POLR1A: variants seen among roughly 807,000 people sequenced by gnomAD.
POLR1A encodes the protein DNA-directed RNA polymerase I subunit RPA1.
POLR1A carries 84 observed loss-of-function variants against 205.3 expected under a neutral mutation model. That is an observed-to-expected ratio of 0.41 (90% CI 0.34 to 0.49). The LOEUF is 0.49. POLR1A is among the 20% of genes least tolerant of loss of function. The probability of loss-of-function intolerance (pLI) is 0.22; values close to 1 mark genes in which losing one functional copy is unlikely to be tolerated. For missense variants in POLR1A, 1,645 were observed against 2,204.5 expected (o/e 0.75, Z 5.08); for synonymous variants, 799 against 863.7 (o/e 0.93, Z 1.31).
chr2:86,064,804 G>T (rs1438044401), intron 14 of POLR1A, among the ~76,000 whole-genome samples: 2 of 151,712 alleles, frequency 1.3e-5, no homozygotes, highest in Admixed American at 6.6e-5. Flanking sequence ...GCCCAGGCAG[G>T]AGTGCAGTGG....
rs1464548361 is a variant in POLR1A at position 86,033,726 on chromosome 2, T to A, written c.4096A>T (p.Asn1366Tyr). ...TGTGTAGCTCTTCGAGTGTTTACGT[T>A]CCTGAAAGCTGATGCTTTATTATTC... is the stretch of plus-strand genomic sequence containing the variant. ...KKNNKASAFR[N>Y]VNTRRATQRD... Residue 1366 changes from asparagine (N) to tyrosine (Y), a missense_variant, in exon 28 of 34, where the codon AAC becomes TAC. Transcript: ENST00000263857. 6.2e-7 allele frequency: 1 copy of A among 1,614,014 alleles called. No homozygotes were observed. Among genetic ancestry groups the A allele is most frequent in the Non-Finnish European group, 8.5e-7 (1 of 1,179,950 alleles).
chr2:86,035,468 C>T (rs901645438), intron 27 of POLR1A, among the ~76,000 whole-genome samples: 1 of 152,154 alleles, frequency 6.6e-6, no homozygotes, highest in Admixed American at 6.5e-5. Flanking sequence ...ACTCTGCACC[C>T]GAGGCTACTG....
At chr2:86,038,131 G>A (rs999999546) in intron 27 of POLR1A, among the ~76,000 whole-genome samples, 2 of 152,216 alleles carry the variant, frequency 1.3e-5, no homozygotes, top group African/African-American at 4.8e-5. Context: ...ATATCTAACA[G>A]TAACTTGAAC....
At chr2:86,079,293 C>T (rs1673352537) in intron 9 of POLR1A, among the ~76,000 whole-genome samples, 2 of 152,150 alleles carry the variant, frequency 1.3e-5, no homozygotes, top group South Asian at 4.1e-4. Flanking sequence ...ATGACCGGGC[C>T]CTGTTAGCCC....
chr2:86,097,444 A>C (rs1207802927), intron 3 of POLR1A, among the ~76,000 whole-genome samples: 1 of 152,166 alleles, frequency 6.6e-6, no homozygotes, highest in Non-Finnish European at 1.5e-5. Context: ...CTGCACCCCC[A>C]TGGTTATTGC....
intron 27 of POLR1A, among the ~76,000 whole-genome samples, chr2:86,038,253 G>A (rs747250903): frequency 5.9e-5 from 9 of 152,188 alleles, no homozygotes; most frequent in African/African-American, 1.7e-4. Context: ...CGTGCCACCC[G>A]CACATTGTTC....
In POLR1A at chr2:86,048,956, G is replaced by A; in HGVS notation, c.2562C>T (p.Asp854=). The change falls in exon 18 of 34, where the codon GAC becomes GAT. Residue 854 remains aspartate (D), a synonymous_variant. Coordinates refer to ENST00000263857, the MANE Select transcript of POLR1A (RefSeq NM_015425.6). ...GKWQDAHLGK[D]QRDFNMIDLK... is the part of the protein sequence containing the mutation. Reference sequence around the variant, plus strand: ...GATCAATCATGTTAAAATCCCTCTGGTCCTTGCCCAGATGGGCATCCTGCC... The same window carrying A: ...GATCAATCATGTTAAAATCCCTCTGATCCTTGCCCAGATGGGCATCCTGCC... The A allele has an allele frequency of 6.2e-7, 1 of 1,614,050 alleles. No individual in the cohort carries two copies. Among genetic ancestry groups the A allele is most frequent in the Non-Finnish European group, 8.5e-7 (1 of 1,179,904 alleles).
chr2:86,041,894 G>C lies in POLR1A; in HGVS notation c.3567C>G (p.Leu1189=). The change falls in exon 24 of 34, where the codon CTC becomes CTG. Residue 1189 remains leucine, a synonymous_variant. Coordinates refer to ENST00000263857, the MANE Select transcript of POLR1A (RefSeq NM_015425.6). The stretch of plus-strand genomic sequence containing the variant: ...CAACAAATCACTGTCAATACCTGTC[G>C]AGAGAAAGCTCTGATTTCTCATAAC... ...EKSYEKSELS[L]DRLRTLLQLK... 3 of 1,612,342 alleles carry C rather than the reference G, an allele frequency of 1.9e-6. No homozygotes were observed. The South Asian group carries it at 3.3e-5, about 18-fold the overall frequency.
rs185250998 is a variant in POLR1A, at chr2:86,081,560, C to A, written c.923+41G>T. On this transcript the variant is annotated intron_variant, in intron 8 of 33. Coordinates refer to ENST00000263857, the MANE Select transcript of POLR1A (RefSeq NM_015425.6). ...GAGGTCACATTTCAGTTCCTTAGTA[C>A]GCTTTTTTTCAGGTGAAATAAGTTA... is the stretch of plus-strand genomic sequence containing the variant. 2.5e-5 allele frequency: 32 copies of A among 1,290,366 alleles called. No individual in the cohort carries two copies. In the Admixed American group the frequency reaches 6.2e-4, roughly 25 times the overall value. The allele number at this position is 1,290,366 out of a possible 1,614,324, so 79.9% of individuals were successfully genotyped here.
Position 86,055,034 on chromosome 2 carries a change from C to T in POLR1A, c.2059-745G>A, listed in dbSNP as rs190058231. On this transcript the variant is annotated intron_variant, in intron 14 of 33. Coordinates refer to ENST00000263857, the MANE Select transcript of POLR1A (RefSeq NM_015425.6). ...TGTGCAACGAGGGCGCGGTGGCTCA[C>T]GCCTGTAATCCCATCACTTTGGGAG... 2.5e-3 allele frequency among the ~76,000 whole-genome samples: 374 copies of T among 152,314 alleles called. 1 individual carries two copies. The highest frequency in any genetic ancestry group is 8.7e-3 in the African/African-American group (362 of 41,576).
chr2:86,082,155 C>G (rs1006141727), intron 7 of POLR1A, among the ~76,000 whole-genome samples: 5 of 151,906 alleles, frequency 3.3e-5, no homozygotes, highest in African/African-American at 1.2e-4. Flanking sequence ...TTTATAAAAA[C>G]AAAAAATAGC....
At chr2:86,052,545 A>G (rs1184142094) in intron 16 of POLR1A, among the ~76,000 whole-genome samples, 2 of 152,228 alleles carry the variant, frequency 1.3e-5, no homozygotes, top group African/African-American at 4.8e-5. Context: ...GAGGACACAG[A>G]AAAGAATTTC....
At chr2:86,056,313 A>G (rs1273815187) in intron 14 of POLR1A, among the ~76,000 whole-genome samples, 1 of 136,346 alleles carries the variant, frequency 7.3e-6, no homozygotes, top group Non-Finnish European at 1.6e-5. Flanking sequence ...TTAGCTGGGC[A>G]TGGTGGCGGG....
intron 21 of POLR1A, 120 bp downstream of exon 21, chr2:86,045,158 A>C: frequency 1.5e-6 from 1 of 673,720 alleles, no homozygotes; most frequent in Non-Finnish European, 2.6e-6. Flanking sequence ...CCATTCATGG[A>C]AACTTTCCAA....
intron 29 of POLR1A, 28 bp from the exon 30 acceptor site, chr2:86,031,663 T>C: frequency 6.3e-7 from 1 of 1,585,450 alleles, no homozygotes; most frequent in Non-Finnish European, 8.6e-7. Flanking sequence ...ACAGGCTGTG[T>C]CACTTGGGGA....
chr2:86,081,051 T>C (rs1041307967), intron 8 of POLR1A, 73 bp from the exon 9 acceptor site: 12 of 1,399,278 alleles, frequency 8.6e-6, no homozygotes, highest in East Asian at 6.9e-5. Context: ...CTCTCACCCA[T>C]GCCTACTGTA....
At chr2:86,041,135 A>G (rs889053004) in intron 24 of POLR1A, among the ~76,000 whole-genome samples, 2 of 149,680 alleles carry the variant, frequency 1.3e-5, no homozygotes, top group Non-Finnish European at 3.0e-5. Flanking sequence ...AGCCACTAGG[A>G]GCGCTGAGCT....
In POLR1A at chr2:86,100,031, G is replaced by GTT; in HGVS notation, c.217_218dup (p.Asn73LysfsTer34). 1 of 1,614,168 alleles carries GTT rather than the reference G, an allele frequency of 6.2e-7. No homozygotes were observed. Among genetic ancestry groups the GTT allele is most frequent in the East Asian group, 2.2e-5 (1 of 44,874 alleles). On this transcript the variant is annotated frameshift_variant, in exon 2 of 34. Transcript: ENST00000263857. LOFTEE classifies it high-confidence loss of function. Reference sequence around the variant, plus strand: ...CAATGTGGCCCAGGTGCCCAGAACAGTTGCTGAAGTCCTGCACGCAGGTGG... The same window carrying GTT: ...CAATGTGGCCCAGGTGCCCAGAACAGTTTTGCTGAAGTCCTGCACGCAGGTGG...
chr2:86,065,310 G>A lies in POLR1A; in HGVS notation c.2022C>T (p.Ser674=), dbSNP rs1205209293. Residue 674 remains serine (S), a synonymous_variant, in exon 14 of 34, where the codon TCC becomes TCT. Transcript: ENST00000263857. ...TCCACAGCGGAAAGGGCTTCAGGAT[G>A]GAAGGAGAAAGGAGCTTCACGCGCC... is the stretch of plus-strand genomic sequence containing the variant. ...KVGRVKLLSP[S]ILKPFPLWTG... is the part of the protein sequence containing the mutation. 6.2e-7 allele frequency: 1 copy of A among 1,614,154 alleles called. No homozygotes were observed. Among genetic ancestry groups the A allele is most frequent in the African/African-American group, 1.3e-5 (1 of 75,038 alleles).
Sources: gnomAD v4.1 joint callset for allele counts (sites outside exome capture counted in the v4.1 genomes callset) on GRCh38, gnomAD v4.1.1 for gene constraint, MANE v1.5 for transcripts, NCBI Gene and HGNC (gene_info 2026-07-23, HGNC 2026-07-21) for gene names.